Variants in PTPN9 observed in about 807,000 individuals in gnomAD.
PTPN9 encodes tyrosine-protein phosphatase non-receptor type 9.
PTPN9 carries 26 observed loss-of-function variants against 69.8 expected under a neutral mutation model. That is an observed-to-expected ratio of 0.37 (90% CI 0.27 to 0.52). The LOEUF is 0.52. Ranked by LOEUF, PTPN9 falls within the 20% of genes least tolerant of loss-of-function variation. The pLI is 0.91. For synonymous variants in PTPN9, 274 were observed against 272.5 expected (o/e 1.01, Z -0.05); for missense variants, 549 against 740.3 (o/e 0.74, Z 3.00).
At chr15:75,566,372 TA>T (rs1403872311) in intron 1 of PTPN9, among the ~76,000 whole-genome samples, 21 of 152,310 alleles carry the variant, frequency 1.4e-4, no homozygotes, top group African/African-American at 4.6e-4. Context: ...CAGAAAGTGT[TA>T]TTTTTCATTA....
chr15:75,479,378 T>C (rs2074615269), intron 9 of PTPN9, among the ~76,000 whole-genome samples: 2 of 152,136 alleles, frequency 1.3e-5, no homozygotes. Context: ...GCACATACTA[T>C]CTATGTCAGA....
intron 9 of PTPN9, among the ~76,000 whole-genome samples, chr15:75,477,360 C>T (rs939465965): frequency 2.0e-5 from 3 of 152,028 alleles, no homozygotes; most frequent in Non-Finnish European, 4.4e-5. Flanking sequence ...TTTGGGAGGC[C>T]GAGGTAGGCA....
rs796460384 is a variant in PTPN9, at chr15:75,559,721, T to A, written c.63+18993A>T. ...TGACCTTCCCTCCACTATTGTCCTA[T>A]GACCCTGCCAAATCCCCCTCTGCGA... On this transcript the variant is annotated intron_variant, in intron 1 of 12. Transcript: ENST00000618819. 5.2e-5 allele frequency among the ~76,000 whole-genome samples: 7 copies of A among 135,318 alleles called. No individual in the cohort carries two copies. In the East Asian group the frequency reaches 1.5e-3, roughly 29 times the overall value. 88.8% of individuals were successfully genotyped at this position (135,318 alleles called of 152,430 possible).
intron 1 of PTPN9, among the ~76,000 whole-genome samples, chr15:75,568,067 T>C (rs2075134007): frequency 6.6e-6 from 1 of 151,886 alleles, no homozygotes; most frequent in Non-Finnish European, 1.5e-5. Flanking sequence ...AAAAATCATC[T>C]CTAATCTACT....
chr15:75,484,916 T>C (rs1425549179), intron 8 of PTPN9, among the ~76,000 whole-genome samples: 1 of 152,236 alleles, frequency 6.6e-6, no homozygotes, highest in Non-Finnish European at 1.5e-5. Flanking sequence ...TTTGTGTTCA[T>C]TAGCCAGTCA....
chr15:75,576,241 GGTACTTCTGGC>G (rs1268713225), intron 1 of PTPN9, among the ~76,000 whole-genome samples: 1 of 145,396 alleles, frequency 6.9e-6, no homozygotes, highest in East Asian at 2.1e-4. Context: ...AAAACAAAAG[GGTACTTCTGGC>G]TGTGTGCAGT....
At chr15:75,516,605 C>A (rs916036288) in intron 5 of PTPN9, among the ~76,000 whole-genome samples, 5 of 151,836 alleles carry the variant, frequency 3.3e-5, no homozygotes, top group Non-Finnish European at 5.9e-5. Flanking sequence ...AGCCACCATG[C>A]CTGGCCTAAA....
chr15:75,501,444 TC>T (rs1463529022), intron 7 of PTPN9, among the ~76,000 whole-genome samples: 10 of 150,758 alleles, frequency 6.6e-5, no homozygotes, highest in African/African-American at 2.2e-4. Flanking sequence ...TTTTTTTTTT[TC>T]CTCTTCTTTT....
At chr15:75,489,147 C>G (rs1028849116) in intron 8 of PTPN9, among the ~76,000 whole-genome samples, 1 of 142,462 alleles carries the variant, frequency 7.0e-6, no homozygotes, top group Non-Finnish European at 1.5e-5. Context: ...TGCACTCCAG[C>G]CTGGGGGACA....
chr15:75,513,836 C>A (rs554728587), intron 5 of PTPN9, among the ~76,000 whole-genome samples: 1 of 151,856 alleles, frequency 6.6e-6, no homozygotes, highest in Non-Finnish European at 1.5e-5. Context: ...CGGTGGCTCA[C>A]GTCTTTAATC....
chr15:75,567,082 C>T (rs1304442420), intron 1 of PTPN9, among the ~76,000 whole-genome samples: 1 of 148,404 alleles, frequency 6.7e-6, no homozygotes, highest in African/African-American at 2.5e-5. Flanking sequence ...GTGGCGTGAT[C>T]TCGGCTCACT....
At chr15:75,482,969 T>A (rs1037718494) in intron 8 of PTPN9, among the ~76,000 whole-genome samples, 5 of 151,054 alleles carry the variant, frequency 3.3e-5, no homozygotes, top group South Asian at 2.1e-4. Context: ...AAAAAAAAAA[T>A]TCATTCATCA....
chr15:75,480,690 G>A (rs1484614877), intron 8 of PTPN9: 25 of 1,287,240 alleles, frequency 1.9e-5, no homozygotes, highest in Non-Finnish European at 2.3e-5. Flanking sequence ...GCGACCGACC[G>A]CAGCCACCGC....
rs550351241 is a variant in PTPN9, at chr15:75,541,906, C to T, written c.64-14645G>A. ...TACAAAAATTAGCTGGGAGTGGTGG[C>T]GTGCACCTGTAGTCCCAGCTACTCA... is the stretch of plus-strand genomic sequence containing the variant. On this transcript the variant is annotated intron_variant, in intron 1 of 12. Coordinates refer to ENST00000618819, the MANE Select transcript of PTPN9 (RefSeq NM_002833.4). 2.0e-4 allele frequency among the ~76,000 whole-genome samples: 31 copies of T among 151,652 alleles called. 1 individual carries two copies. The highest frequency in any genetic ancestry group is 1.9e-3 in the Admixed American group (29 of 15,204).
At chr15:75,483,453 C>T (rs941130811) in intron 8 of PTPN9, among the ~76,000 whole-genome samples, 1 of 152,128 alleles carries the variant, frequency 6.6e-6, no homozygotes, top group African/African-American at 2.4e-5. Context: ...TGATAGAAGC[C>T]AGACACAAAA....
chr15:75,573,812 T>C (rs753357104), intron 1 of PTPN9, among the ~76,000 whole-genome samples: 2 of 152,192 alleles, frequency 1.3e-5, no homozygotes, highest in Non-Finnish European at 2.9e-5. Flanking sequence ...CAAATAAGTG[T>C]TAACTTGTGA....
chr15:75,479,377 A>G (rs753689389), intron 9 of PTPN9, among the ~76,000 whole-genome samples: 1 of 152,176 alleles, frequency 6.6e-6, no homozygotes, highest in Non-Finnish European at 1.5e-5. Context: ...AGCACATACT[A>G]TCTATGTCAG....
intron 1 of PTPN9, among the ~76,000 whole-genome samples, chr15:75,530,162 T>A (rs2141323806): frequency 7.7e-6 from 1 of 129,674 alleles, no homozygotes; most frequent in South Asian, 2.3e-4. Flanking sequence ...ATCGCACCAC[T>A]GCACTCCAGC....
At chr15:75,573,574 G>GA (rs1382214559) in intron 1 of PTPN9, among the ~76,000 whole-genome samples, 1 of 152,050 alleles carries the variant, frequency 6.6e-6, no homozygotes, top group African/African-American at 2.4e-5. Flanking sequence ...ATTTGATGGG[G>GA]AAAAAAATCA....
Sources: allele counts gnomAD v4.1 joint callset (sites outside exome capture counted in the v4.1 genomes callset), GRCh38; gene constraint gnomAD v4.1.1; transcripts MANE v1.5; gene names NCBI Gene and HGNC (gene_info 2026-07-23, HGNC 2026-07-21).